Variants in PIK3R6 observed in about 807,000 individuals in gnomAD.
PIK3R6 encodes phosphoinositide 3-kinase regulatory subunit 6.
In PIK3R6, 91 loss-of-function variants were observed where a neutral mutation model predicts 84.9. That is an observed-to-expected ratio of 1.07 (90% CI 0.90 to 1.28). The LOEUF (loss-of-function observed/expected upper bound fraction) is 1.28, where lower values mean the gene tolerates loss of function less well. Among genes scored for constraint, PIK3R6 ranks in the 50% most tolerant of loss-of-function variants. The pLI, the probability that PIK3R6 is intolerant of heterozygous loss-of-function variation, is 0.00. For missense variants in PIK3R6, 996 were observed against 985.1 expected, an observed-to-expected ratio of 1.01 and a Z score of -0.15; for synonymous variants, 416 against 411.4, an observed-to-expected ratio of 1.01 and a Z score of -0.13.
chr17:8,836,923 C>G lies in PIK3R6; in HGVS notation c.259G>C (p.Ala87Pro). Residue 87 changes from alanine to proline, a missense_variant and splice_region_variant, in exon 6 of 20, where the codon GCC (alanine) becomes CCC (proline). By Grantham distance (27) the Ala-to-Pro change is conservative. Coordinates refer to ENST00000619866, the MANE Select transcript of PIK3R6 (RefSeq NM_001010855.4). ...LHTVMYVLTKATGITEELYQR... is the reference protein window; with the variant it reads ...LHTVMYVLTKPTGITEELYQR... The stretch of plus-strand genomic sequence containing the variant: ...TAGAGCTCTTCTGTGATTCCTGTGG[C>G]CTGGGTGAGAGGGAGGAGGGGGAGG... The G allele has an allele frequency of 1.3e-6, 2 of 1,536,480 alleles. No individual in the cohort carries two copies. Among genetic ancestry groups the G allele is most frequent in the Non-Finnish European group, 1.8e-6 (2 of 1,138,144 alleles).
chr17:8,815,383 G>A (rs1164440677), intron 18 of PIK3R6, among the ~76,000 whole-genome samples: 1 of 152,026 alleles, frequency 6.6e-6, no homozygotes, highest in Non-Finnish European at 1.5e-5. Context: ...GCACACGCCT[G>A]TAGTCCCAGC....
chr17:8,806,276 C>T (rs2087204558), intron 18 of PIK3R6, among the ~76,000 whole-genome samples: 2 of 152,236 alleles, frequency 1.3e-5, no homozygotes, highest in South Asian at 4.1e-4. Flanking sequence ...CTGAAGCCTG[C>T]ACAGTGGTAG....
At position 8,849,136 on chromosome 17, in the gene PIK3R6, A is replaced by G. The variant is rs137973201; in HGVS notation, c.13+646T>C. Reference sequence around the variant, plus strand: ...CCACTTTCTGGCTTTGCCACTTACTAGCTGTGTGGCTTTGAGCAAATTATA... The same window carrying G: ...CCACTTTCTGGCTTTGCCACTTACTGGCTGTGTGGCTTTGAGCAAATTATA... On this transcript the variant is annotated intron_variant, in intron 2 of 19. Transcript: ENST00000619866. 5.6e-3 allele frequency among the ~76,000 whole-genome samples: 858 copies of G among 152,272 alleles called. 6 individuals are homozygous for G. Among genetic ancestry groups the G allele is most frequent in the African/African-American group, 0.019 (792 of 41,538 alleles).
intron 18 of PIK3R6, among the ~76,000 whole-genome samples, chr17:8,816,684 T>C (rs888938361): frequency 8.5e-5 from 13 of 152,182 alleles, no homozygotes; most frequent in African/African-American, 2.9e-4. Context: ...CAAGAAAGTA[T>C]TCAATTTCAC....
At chr17:8,838,165 G>C (rs961253811) in intron 4 of PIK3R6, 6 of 493,798 alleles carry the variant, frequency 1.2e-5, no homozygotes, top group Non-Finnish European at 2.2e-5. Flanking sequence ...CCTCAGCTCG[G>C]AGCCTCCCTT....
chr17:8,849,688 G>A (rs1193068123), intron 2 of PIK3R6, 94 bp downstream of exon 2: 27 of 1,378,050 alleles, frequency 2.0e-5, no homozygotes, highest in Non-Finnish European at 2.5e-5. Flanking sequence ...TGTGCAGGGG[G>A]TCCTGCCAGC....
intron 9 of PIK3R6, among the ~76,000 whole-genome samples, chr17:8,830,489 C>T (rs1262913742): frequency 6.6e-6 from 1 of 152,176 alleles, no homozygotes; most frequent in Non-Finnish European, 1.5e-5. Flanking sequence ...GCTGTGGCTC[C>T]CCACTCATGA....
chr17:8,811,670 TAA>T (rs1555529209), intron 18 of PIK3R6, among the ~76,000 whole-genome samples: 1 of 147,938 alleles, frequency 6.8e-6, no homozygotes, highest in Non-Finnish European at 1.5e-5. Context: ...TGCTAAAATA[TAA>T]GAGTCACCTT....
Position 8,804,168 on chromosome 17 carries a change from T to A in PIK3R6, c.1996-15A>T. On this transcript the variant is annotated splice_polypyrimidine_tract_variant and intron_variant, in intron 18 of 19. Transcript: ENST00000619866. ...TTGGTCACTGTCTGCAGCACAGAGA[T>A]CGCACGTGTGAGTGTTGCCTTTGCT... is the stretch of plus-strand genomic sequence containing the variant. 6.2e-7 allele frequency: 1 copy of A among 1,600,412 alleles called. No homozygotes were observed. Among genetic ancestry groups the A allele is most frequent in the Non-Finnish European group, 8.6e-7 (1 of 1,167,708 alleles).
At chr17:8,851,154 C>CTAAATGTATATAT (rs1480619165) in intron 1 of PIK3R6, among the ~76,000 whole-genome samples, 13 of 151,722 alleles carry the variant, frequency 8.6e-5, no homozygotes, top group African/African-American at 2.2e-4. Flanking sequence ...CACTTCACAC[C>CTAAATGTATATAT]CATTGGAATG....
At chr17:8,819,707 CATAT>C (rs1336826412) in intron 17 of PIK3R6, among the ~76,000 whole-genome samples, 2 of 143,960 alleles carry the variant, frequency 1.4e-5, no homozygotes, top group African/African-American at 5.2e-5. Flanking sequence ...CACACACACA[CATAT>C]ATATACATAT....
intron 8 of PIK3R6, 144 bp downstream of exon 8, chr17:8,835,129 C>A: frequency 4.1e-6 from 4 of 969,222 alleles, no homozygotes; most frequent in Non-Finnish European, 4.3e-6. Context: ...TGAGCCACTG[C>A]GCCCAGCCAA....
At position 8,836,948 on chromosome 17, in the gene PIK3R6, G is replaced by T. The variant is rs529804262; in HGVS notation, c.259-25C>A. 9.6e-5 allele frequency: 145 copies of T among 1,513,970 alleles called. 4 individuals are homozygous for T. The South Asian group carries it at 9.9e-4, about 10-fold the overall frequency. 93.8% of individuals were successfully genotyped at this position (1,513,970 alleles called of 1,614,324 possible). ...CCTGGGTGAGAGGGAGGAGGGGGAG[G>T]TGAGAGGGAGGAGGTGGAGGTAAGA... On this transcript the variant is annotated intron_variant, in intron 5 of 19. Transcript: ENST00000619866.
At chr17:8,815,872 A>G (rs2087519730) in intron 18 of PIK3R6, among the ~76,000 whole-genome samples, 1 of 152,212 alleles carries the variant, frequency 6.6e-6, no homozygotes, top group Non-Finnish European at 1.5e-5. Context: ...ATTTTTATCT[A>G]CAAGCCCATC....
At chr17:8,829,486 G>A (rs901619804) in intron 10 of PIK3R6, among the ~76,000 whole-genome samples, 27 of 98,690 alleles carry the variant, frequency 2.7e-4, no homozygotes, top group South Asian at 2.0e-3. Flanking sequence ...ACTCATGCAC[G>A]CATACACACA....
intron 2 of PIK3R6, among the ~76,000 whole-genome samples, chr17:8,843,400 T>C (rs2088737367): frequency 6.6e-6 from 1 of 152,170 alleles, no homozygotes; most frequent in African/African-American, 2.4e-5. Flanking sequence ...TGTGATTTCC[T>C]CTCATTCCCC....
intron 9 of PIK3R6, among the ~76,000 whole-genome samples, chr17:8,831,253 C>T (rs1186727892): frequency 6.9e-6 from 1 of 144,330 alleles, no homozygotes; most frequent in Non-Finnish European, 1.5e-5. Flanking sequence ...TCGCTTAAGC[C>T]CAGGAGGTCA....
chr17:8,837,975 C>T lies in PIK3R6; in HGVS notation c.190-104G>A, dbSNP rs113309331. 6 of 961,290 alleles carry T rather than the reference C, an allele frequency of 6.2e-6. No homozygotes were observed. In the African/African-American group the frequency reaches 6.4e-5, roughly 10 times the overall value. 59.5% of individuals were successfully genotyped at this position (961,290 alleles called of 1,614,324 possible). On this transcript the variant is annotated intron_variant, in intron 4 of 19. Transcript: ENST00000619866. The stretch of plus-strand genomic sequence containing the variant: ...AGTGGGCAGGAGATGGGGTGGAAGG[C>T]AGCCAGGGGGAGAGCAAAGGGCCAT...
chr17:8,831,830 G>A (rs894855847), intron 9 of PIK3R6, among the ~76,000 whole-genome samples: 1 of 152,178 alleles, frequency 6.6e-6, no homozygotes, highest in South Asian at 2.1e-4. Flanking sequence ...ACCCAAATCA[G>A]AACCATCCTA....
Sources: gnomAD v4.1 joint callset for allele counts (sites outside exome capture counted in the v4.1 genomes callset) on GRCh38, gnomAD v4.1.1 for gene constraint, MANE v1.5 for transcripts, NCBI Gene and HGNC (gene_info 2026-07-23, HGNC 2026-07-21) for gene names.